The following SRRM3 variants were observed in gnomAD, a reference collection of about 807,000 sequenced individuals.
SRRM3 encodes the protein serine/arginine repetitive matrix 3.
SRRM3 carries 27 observed loss-of-function variants against 66.2 expected under a neutral mutation model. The ratio of observed to expected loss-of-function variants is 0.41; its 90% CI spans 0.30 to 0.56. SRRM3 has a LOEUF of 0.56. Among genes scored for constraint, SRRM3 ranks in the 20% least tolerant of loss-of-function variants. The pLI is 0.32. For missense variants in SRRM3, 918 were observed against 991.9 expected (o/e 0.93, Z 1.00); for synonymous variants, 391 against 414.9 (o/e 0.94, Z 0.70).
intron 2 of SRRM3, among the ~76,000 whole-genome samples, chr7:76,246,488 C>T (rs111841934): frequency 0.23 from 35,503 of 151,830 alleles, 4,482 homozygotes; most frequent in East Asian, 0.45. Flanking sequence ...CACTTGAACC[C>T]GGGAGGTGGA....
At chr7:76,218,353 C>T (rs1460035571) in intron 1 of SRRM3, among the ~76,000 whole-genome samples, 2 of 152,196 alleles carry the variant, frequency 1.3e-5, no homozygotes, top group Non-Finnish European at 2.9e-5. Flanking sequence ...TCGGTGACAG[C>T]TCAGTCATAA....
Position 76,286,124 on chromosome 7 carries a change from C to T in SRRM3, c.*281C>T. On this transcript the variant is annotated 3_prime_UTR_variant, in exon 15 of 15. Transcript: ENST00000611745. Reference sequence around the variant, plus strand: ...GCCGTTACGAACACAGGAATCTCCCCATCCCCCTTCCTGCTGATGCCAACT... The same window carrying T: ...GCCGTTACGAACACAGGAATCTCCCTATCCCCCTTCCTGCTGATGCCAACT... 2 of 521,818 alleles carry T rather than the reference C, an allele frequency of 3.8e-6. No homozygotes were observed. Among genetic ancestry groups the T allele is most frequent in the Non-Finnish European group, 7.0e-6 (2 of 284,100 alleles). The allele number at this position is 521,818 out of a possible 1,614,324, so 32.3% of individuals were successfully genotyped here.
At chr7:76,230,467 T>C (rs1342135086) in intron 1 of SRRM3, among the ~76,000 whole-genome samples, 1 of 151,754 alleles carries the variant, frequency 6.6e-6, no homozygotes, top group Non-Finnish European at 1.5e-5. Flanking sequence ...CTGGGCAACA[T>C]AGCAAGATCC....
At chr7:76,268,909 C>T (rs1802140504) in intron 11 of SRRM3, 1 of 152,326 alleles carries the variant, frequency 6.6e-6, no homozygotes, top group African/African-American at 2.4e-5. Context: ...GCATGGAGTC[C>T]CAAGAGCACA....
At chr7:76,225,253 G>A (rs560598118) in intron 1 of SRRM3, among the ~76,000 whole-genome samples, 1 of 152,072 alleles carries the variant, frequency 6.6e-6, no homozygotes, top group African/African-American at 2.4e-5. Flanking sequence ...CTTTTTCCTG[G>A]CCCCAGTAGA....
intron 3 of SRRM3, among the ~76,000 whole-genome samples, chr7:76,249,379 CAA>C (rs34280992): frequency 0.011 from 1,531 of 135,672 alleles, 26 homozygotes; most frequent in African/African-American, 0.036. Flanking sequence ...GACTCTGTCT[CAA>C]AAAAAAAAAA....
intron 2 of SRRM3, among the ~76,000 whole-genome samples, chr7:76,247,769 A>G (rs1375056913): frequency 1.3e-5 from 2 of 152,088 alleles, no homozygotes; most frequent in Admixed American, 6.6e-5. Context: ...ATCTTGGCCT[A>G]CTGCAACCTC....
At chr7:76,218,445 T>C (rs782032831) in intron 1 of SRRM3, among the ~76,000 whole-genome samples, 6 of 151,846 alleles carry the variant, frequency 4.0e-5, no homozygotes, top group Non-Finnish European at 8.8e-5. Context: ...TCTCCATTCT[T>C]GCTCAGCAGC....
chr7:76,251,522 A>C (rs907631971), intron 3 of SRRM3, among the ~76,000 whole-genome samples: 3 of 151,990 alleles, frequency 2.0e-5, no homozygotes, highest in East Asian at 1.9e-4. Context: ...CTACAGGCGC[A>C]CGCTGCCACG....
intron 1 of SRRM3, among the ~76,000 whole-genome samples, chr7:76,213,339 C>G (rs1056562189): frequency 6.6e-6 from 1 of 152,142 alleles, no homozygotes; most frequent in African/African-American, 2.4e-5. Context: ...GGTGGTTTAC[C>G]TTTCCAACTC....
rs1802639482 is a variant in SRRM3 at position 76,285,488 on chromosome 7, C to G, written c.1734-127C>G. ...GCAAGTAACCAATGACCGTCAGATT[C>G]CATTTGGAGAAGGCAGGTGTCTCTA... On this transcript the variant is annotated intron_variant, in intron 14 of 14. Coordinates refer to ENST00000611745, the MANE Select transcript of SRRM3 (RefSeq NM_001110199.3). This position sits in a 1 kb window ranked among gnomAD's most constrained non-coding sequence, Gnocchi z 4.1. The G allele has an allele frequency of 1.4e-6, 1 of 699,028 alleles. No individual in the cohort carries two copies. Among genetic ancestry groups the G allele is most frequent in the East Asian group, 2.8e-5 (1 of 36,174 alleles). The allele number at this position is 699,028 out of a possible 1,614,324, so 43.3% of individuals were successfully genotyped here. A position where few individuals can be genotyped will look rare whatever the true frequency, so the allele number is the denominator to read the frequency against.
At chr7:76,260,078 C>T in intron 4 of SRRM3, 39 bp from the exon 5 acceptor site, 1 of 1,001,846 alleles carries the variant, frequency 1.0e-6, no homozygotes. Context: ...GCGGGGCTGC[C>T]CCCCCTCACC....
At chr7:76,259,832 G>C (rs536709555) in intron 3 of SRRM3, 74 bp from the exon 4 acceptor site, 1 of 1,582,446 alleles carries the variant, frequency 6.3e-7, no homozygotes, top group African/African-American at 1.4e-5. Context: ...GGCTAGGTCA[G>C]GCCCCCTGCG....
intron 1 of SRRM3, among the ~76,000 whole-genome samples, chr7:76,211,790 G>A (rs914776575): frequency 6.7e-6 from 1 of 149,284 alleles, no homozygotes; most frequent in Admixed American, 6.7e-5. Flanking sequence ...TGTGGGGCCT[G>A]AATTTTATTA....
At position 76,260,034 on chromosome 7, in the gene SRRM3, G is replaced by A. The variant is rs1554608320; in HGVS notation, c.464G>A (p.Arg155Lys). The part of the protein sequence containing the change: ...ASCYRGHRGY[R>K]TKHWSSSSAS... ...TGCTACCGCGGCCACCGCGGGTACA[G>A]GTCAGCGGCCGCCGCGGCGGGGGTG... The change falls in exon 4 of 15, where the codon AGG becomes AAG. Residue 155 changes from arginine to lysine, a missense_variant and splice_region_variant. Arg to Lys is a conservative substitution (Grantham distance 26). Transcript: ENST00000611745. The A allele has an allele frequency of 6.5e-7, 1 of 1,534,566 alleles. No individual in the cohort carries two copies. The highest frequency in any genetic ancestry group is 8.7e-7 in the Non-Finnish European group (1 of 1,147,472).
At chr7:76,203,294 G>A (rs1204576209) in intron 1 of SRRM3, among the ~76,000 whole-genome samples, 1 of 152,182 alleles carries the variant, frequency 6.6e-6, no homozygotes, top group Non-Finnish European at 1.5e-5. Flanking sequence ...GTAGGGGTAT[G>A]TGGGTTGGGA....
rs1802084472 is a variant in SRRM3 at position 76,267,207 on chromosome 7, A to C, written c.831-51A>C. On this transcript the variant is annotated intron_variant, in intron 10 of 14. Coordinates refer to ENST00000611745, the MANE Select transcript of SRRM3 (RefSeq NM_001110199.3). ...GAAAGAGGAGGCGCAACTGCTTGCA[A>C]AGCGGGTGTCCCACGCCGACTCCCC... 6 of 1,441,716 alleles carry C rather than the reference A, an allele frequency of 4.2e-6. No individual in the cohort carries two copies. In the South Asian group the frequency reaches 7.2e-5, roughly 17 times the overall value. 89.3% of individuals were successfully genotyped at this position (1,441,716 alleles called of 1,614,324 possible). A position where few individuals can be genotyped will look rare whatever the true frequency, so the allele number is the denominator to read the frequency against.
At chr7:76,283,410 G>A (rs1802582478) in intron 14 of SRRM3, 6 of 525,270 alleles carry the variant, frequency 1.1e-5, no homozygotes, top group East Asian at 7.6e-5. Flanking sequence ...TGGGTGGGCC[G>A]CAGCCGGCAT....
chr7:76,282,925 C>G, intron 13 of SRRM3, 39 bp from the exon 14 acceptor site: 5 of 1,308,762 alleles, frequency 3.8e-6, no homozygotes, highest in Non-Finnish European at 4.8e-6. Context: ...GTGGAGCGGC[C>G]GGGCCGCGTC....
Sources: allele counts gnomAD v4.1 joint callset (sites outside exome capture counted in the v4.1 genomes callset), GRCh38; gene constraint gnomAD v4.1.1; non-coding constraint Gnocchi (gnomAD v3.1); transcripts MANE v1.5; gene names NCBI Gene and HGNC (gene_info 2026-07-23, HGNC 2026-07-21).